The following TLN2 variants were observed in gnomAD, a reference collection of about 807,000 sequenced individuals.
The protein encoded by TLN2 is talin-2.
TLN2 carries 118 observed loss-of-function variants against 294.7 expected under a neutral mutation model. That is an observed-to-expected ratio of 0.40 (90% CI 0.34 to 0.47). The LOEUF is 0.47. Among genes scored for constraint, TLN2 ranks in the 20% least tolerant of loss-of-function variants. The pLI is 0.84. For missense variants in TLN2, 3,083 were observed against 3,282.2 expected, an observed-to-expected ratio of 0.94 and a Z score of 1.48; for synonymous variants, 1,431 against 1,304.5, an observed-to-expected ratio of 1.10 and a Z score of -2.09.
At chr15:62,495,188 G>C (rs1307272350) in intron 1 of TLN2, among the ~76,000 whole-genome samples, 1 of 152,168 alleles carries the variant, frequency 6.6e-6, no homozygotes, top group Non-Finnish European at 1.5e-5. Flanking sequence ...ATTATTTCCA[G>C]TCATTTATCT....
At chr15:62,470,019 A>G (rs12915440) in intron 1 of TLN2, among the ~76,000 whole-genome samples, 13,477 of 152,226 alleles carry the variant, frequency 0.089, 666 homozygotes, top group African/African-American at 0.1. Flanking sequence ...TGATTGACTC[A>G]AAACAATAGC....
chr15:62,615,026 G>A (rs907954966), intron 2 of TLN2, among the ~76,000 whole-genome samples: 3 of 151,624 alleles, frequency 2.0e-5, no homozygotes, highest in Non-Finnish European at 2.9e-5. Context: ...GGTTGGTCTC[G>A]AACTCCTGAC....
At chr15:62,826,375 G>A (rs1180376246) in intron 54 of TLN2, among the ~76,000 whole-genome samples, 4 of 152,134 alleles carry the variant, frequency 2.6e-5, no homozygotes, top group Non-Finnish European at 5.9e-5. Flanking sequence ...CGTATTCCTC[G>A]GATGCGGAGG....
At chr15:62,760,510 C>T (rs2062595443) in intron 37 of TLN2, among the ~76,000 whole-genome samples, 3 of 152,214 alleles carry the variant, frequency 2.0e-5, no homozygotes, top group Admixed American at 1.3e-4. Flanking sequence ...TTTAAGTGGT[C>T]ATTTAACAAG....
In TLN2 at chr15:62,825,782, T is replaced by TA. The variant is rs1190689676; in HGVS notation, c.7002+5172_7002+5173insA. Among the ~76,000 whole-genome samples, 2 of 18,040 alleles carry TA rather than the reference T, an allele frequency of 1.1e-4. 1 individual carries two copies. Among genetic ancestry groups the TA allele is most frequent in the African/African-American group, 3.0e-4 (2 of 6,688 alleles). 11.8% of individuals were successfully genotyped at this position (18,040 alleles called of 152,430 possible). On this transcript the variant is annotated intron_variant, in intron 54 of 58. Coordinates refer to ENST00000636159, the MANE Select transcript of TLN2 (RefSeq NM_015059.3). ...TTATAATTATATATTATATAATATA[T>TA]TATATATTATAATATATATTATATA... is the stretch of plus-strand genomic sequence containing the variant.
At chr15:62,772,523 T>G (rs1456856880) in intron 42 of TLN2, among the ~76,000 whole-genome samples, 3 of 152,222 alleles carry the variant, frequency 2.0e-5, no homozygotes, top group Middle Eastern at 6.8e-3. Context: ...TCCCCCAAAC[T>G]GGAGGAGGCA....
In TLN2 at chr15:62,638,213, C is replaced by G. The variant is rs2050603927; in HGVS notation, c.-36-9062C>G. On this transcript the variant is annotated intron_variant, in intron 3 of 58. Transcript: ENST00000636159. Reference sequence around the variant, plus strand: ...GCCCTTTCTCCACTGTGCCAGAGTTCTAGTGTGTTCTGTAGTGCACTACCC... The same window carrying G: ...GCCCTTTCTCCACTGTGCCAGAGTTGTAGTGTGTTCTGTAGTGCACTACCC... The G allele has an allele frequency of 1.3e-5, 3 of 236,762 alleles. No individual in the cohort carries two copies. The South Asian group carries it at 1.7e-4, about 13-fold the overall frequency. The allele number at this position is 236,762 out of a possible 1,614,324, so 14.7% of individuals were successfully genotyped here.
At chr15:62,400,916 A>G (rs2032971819) in intron 1 of TLN2, among the ~76,000 whole-genome samples, 1 of 150,202 alleles carries the variant, frequency 6.7e-6, no homozygotes, top group Non-Finnish European at 1.5e-5. Flanking sequence ...CCTGGGTTCA[A>G]GCCGTTGTCC....
At chr15:62,530,897 T>C (rs189462002) in intron 1 of TLN2, among the ~76,000 whole-genome samples, 51 of 152,368 alleles carry the variant, frequency 3.3e-4, no homozygotes, top group African/African-American at 1.1e-3. Context: ...CAATTATTCA[T>C]ACTTCTGTGC....
intron 1 of TLN2, among the ~76,000 whole-genome samples, chr15:62,395,939 G>A (rs938920273): frequency 3.3e-5 from 5 of 152,044 alleles, no homozygotes; most frequent in Non-Finnish European, 5.9e-5. Context: ...GGGTTCAAGT[G>A]ATTCTCCTGC....
chr15:62,498,828 G>A (rs1302059538), intron 1 of TLN2, among the ~76,000 whole-genome samples: 3 of 151,994 alleles, frequency 2.0e-5, no homozygotes, highest in African/African-American at 7.2e-5. Context: ...TGAATGACAT[G>A]AAAAATTATT....
intron 1 of TLN2, among the ~76,000 whole-genome samples, chr15:62,504,633 G>A (rs958435165): frequency 6.6e-6 from 1 of 152,178 alleles, no homozygotes; most frequent in South Asian, 2.1e-4. Context: ...ATGGAAAAAA[G>A]TGAACCTTGA....
intron 9 of TLN2, among the ~76,000 whole-genome samples, chr15:62,666,022 A>T (rs973620478): frequency 1.4e-4 from 21 of 152,118 alleles, no homozygotes; most frequent in African/African-American, 5.1e-4. Context: ...GTATTGTTTC[A>T]TCCTAGCTGT....
intron 28 of TLN2, among the ~76,000 whole-genome samples, chr15:62,734,698 A>T (rs906983562): frequency 6.6e-6 from 1 of 152,222 alleles, no homozygotes; most frequent in African/African-American, 2.4e-5. Flanking sequence ...GTGCCATGGG[A>T]TAAATGATAG....
intron 1 of TLN2, among the ~76,000 whole-genome samples, chr15:62,442,724 CAG>C (rs2035619381): frequency 1.3e-5 from 2 of 152,056 alleles, no homozygotes; most frequent in Non-Finnish European, 2.9e-5. Context: ...AAAATCAAAA[CAG>C]AAACATTTTG....
chr15:62,827,359 A>T lies in TLN2; in HGVS notation c.7003-6145A>T, dbSNP rs150107592. ...GGAGGTCAAGAGAAATCAGAAGAGA[A>T]AAGGTAGTTCCTGCTTATTTTAGTC... On this transcript the variant is annotated intron_variant, in intron 54 of 58. Coordinates refer to ENST00000636159, the MANE Select transcript of TLN2 (RefSeq NM_015059.3). Among the ~76,000 whole-genome samples the T allele has an allele frequency of 5.1e-3, 781 of 152,280 alleles. 6 individuals are homozygous for T. The highest frequency in any genetic ancestry group is 0.018 in the African/African-American group (755 of 41,534).
chr15:62,819,357 A>G (rs1468658715), intron 52 of TLN2, among the ~76,000 whole-genome samples, 159 bp from the exon 53 acceptor site: 1 of 152,148 alleles, frequency 6.6e-6, no homozygotes, highest in Admixed American at 6.5e-5. Flanking sequence ...AAACCCAGTG[A>G]GTCGTAAGGG....
chr15:62,426,656 G>A (rs934250620), intron 1 of TLN2, among the ~76,000 whole-genome samples: 2 of 152,196 alleles, frequency 1.3e-5, no homozygotes, highest in African/African-American at 4.8e-5. Context: ...TGCTGGGAGT[G>A]AGCTGTTCAT....
intron 2 of TLN2, among the ~76,000 whole-genome samples, chr15:62,617,552 A>G (rs4316702): frequency 9.9e-5 from 15 of 151,948 alleles, no homozygotes; most frequent in African/African-American, 3.6e-4. Flanking sequence ...CCCTTTCTCC[A>G]GCCTCTCTGA....
Sources: allele counts gnomAD v4.1 joint callset (sites outside exome capture counted in the v4.1 genomes callset), GRCh38; gene constraint gnomAD v4.1.1; transcripts MANE v1.5; gene names NCBI Gene and HGNC (gene_info 2026-07-23, HGNC 2026-07-21).